The following TPR variants were observed in gnomAD, a reference collection of about 807,000 sequenced individuals.
TPR encodes the protein nucleoprotein TPR.
In TPR, 51 loss-of-function variants were observed where a neutral mutation model predicts 316.1. That is an observed-to-expected ratio of 0.16 (90% confidence interval 0.13 to 0.20). The LOEUF (loss-of-function observed/expected upper bound fraction) is 0.20, where lower values mean the gene tolerates loss of function less well. Among genes scored for constraint, TPR ranks in the 10% least tolerant of loss-of-function variants. TPR has a pLI of 1.00. For synonymous variants in TPR, 981 were observed against 914.7 expected (o/e 1.07, Z -1.31); for missense variants, 2,272 against 2,754.8 (o/e 0.82, Z 3.92).
chr1:186,335,987 T>A (rs1225091748), intron 33 of TPR, among the ~76,000 whole-genome samples: 3 of 152,030 alleles, frequency 2.0e-5, no homozygotes, highest in Non-Finnish European at 4.4e-5. Flanking sequence ...TCCAACTGAT[T>A]TGACATTTTA....
Position 186,337,123 on chromosome 1 carries a change from G to A in TPR, c.4396C>T (p.His1466Tyr), listed in dbSNP as rs1231495284. The part of the protein sequence containing the change: ...METSAQSSGD[H>Y]QEQHVSVQEM... ...TGGACTGAAACATGCTGCTCCTGATGGTCTCCAGAGGACTGAGCCGATGTC... is the reference window on the plus strand; with the variant it reads ...TGGACTGAAACATGCTGCTCCTGATAGTCTCCAGAGGACTGAGCCGATGTC... Residue 1466 changes from histidine to tyrosine, a missense_variant, in exon 32 of 51, where the codon CAT becomes TAT. Around this residue, in one of 10 missense-constraint regions of TPR, gnomAD observed 101 missense variants for 113.0 expected, o/e 0.89. Transcript: ENST00000367478. 1 of 1,613,642 alleles carries A rather than the reference G, an allele frequency of 6.2e-7. No individual in the cohort carries two copies. The highest frequency in any genetic ancestry group is 8.5e-7 in the Non-Finnish European group (1 of 1,179,772).
At position 186,345,607 on chromosome 1, in the gene TPR, C is replaced by T. The variant is rs765601784; in HGVS notation, c.3186G>A (p.Gln1062=). ...QRASTALSNE[Q]QARRDCQEQA... is the part of the protein sequence containing the mutation. ...GTTCCTGACAGTCACGTCTGGCTTG[C>T]TGCTCATTACTTAAAGCTGTGCTTG... The change falls in exon 24 of 51, where the codon CAG becomes CAA. Residue 1062 remains glutamine (Q), a synonymous_variant. Coordinates refer to ENST00000367478, the MANE Select transcript of TPR (RefSeq NM_003292.3). 8 of 1,613,484 alleles carry T rather than the reference C, an allele frequency of 5.0e-6. No homozygotes were observed. The Admixed American group carries it at 1.3e-4, about 27-fold the overall frequency.
intron 12 of TPR, 67 bp from the exon 13 acceptor site, chr1:186,358,717 A>G: frequency 7.8e-7 from 1 of 1,287,608 alleles, no homozygotes; most frequent in Admixed American, 2.0e-5. Context: ...TAATAAAGAC[A>G]TACAATACTC....
chr1:186,320,565 G>T, intron 45 of TPR, 147 bp from the exon 46 acceptor site: 1 of 687,742 alleles, frequency 1.5e-6, no homozygotes, highest in Non-Finnish European at 2.3e-6. Flanking sequence ...TATTTTAAAG[G>T]GTTTCTTACT....
chr1:186,315,229 CAAAA>C (rs76658724), intron 49 of TPR, among the ~76,000 whole-genome samples: 2 of 141,314 alleles, frequency 1.4e-5, no homozygotes, highest in Non-Finnish European at 3.1e-5. Context: ...AACAAACAAA[CAAAA>C]AAAAAACACC....
Position 186,333,244 on chromosome 1 carries a change from G to C in TPR, c.5333C>G (p.Pro1778Arg), listed in dbSNP as rs950127642. 5 of 1,613,676 alleles carry C rather than the reference G, an allele frequency of 3.1e-6. No homozygotes were observed. Among genetic ancestry groups the C allele is most frequent in the Non-Finnish European group, 4.2e-6 (5 of 1,179,700 alleles). Residue 1778 changes from proline (P) to arginine (R), a missense_variant, in exon 37 of 51, where the codon CCC becomes CGC. By Grantham distance (103) the Pro-to-Arg change is moderately radical. Transcript: ENST00000367478. Reference sequence around the variant, plus strand: ...AATCTGAGGATGACTCTGTTGAGTGGGTTGCACAAAAGCTGTAGCCTGTGT... The same window carrying C: ...AATCTGAGGATGACTCTGTTGAGTGCGTTGCACAAAAGCTGTAGCCTGTGT... Reference protein sequence around the residue: ...QQTQATAFVQPTQQSHPQIEP... With the variant: ...QQTQATAFVQRTQQSHPQIEP...
intron 32 of TPR, 88 bp from the exon 33 acceptor site, chr1:186,336,782 A>C (rs12085497): frequency 0.32 from 454,034 of 1,420,866 alleles, 76,184 homozygotes; most frequent in Admixed American, 0.41. Flanking sequence ...TAACTTATTA[A>C]TTTGCTTTTT....
chr1:186,312,466 C>T lies in TPR; in HGVS notation c.*1505G>A, dbSNP rs1482964410. 8.3e-7 allele frequency: 1 copy of T among 1,199,402 alleles called. No homozygotes were observed. Among genetic ancestry groups the T allele is most frequent in the East Asian group, 2.4e-5 (1 of 42,368 alleles). The allele number at this position is 1,199,402 out of a possible 1,614,324, so 74.3% of individuals were successfully genotyped here. ...AGGCTTATGAAATATGGATACTGAT[C>T]AAACAGCCCTAATAATTTAAGCTTA... On this transcript the variant is annotated 3_prime_UTR_variant, in exon 51 of 51. Coordinates refer to ENST00000367478, the MANE Select transcript of TPR (RefSeq NM_003292.3).
Position 186,361,627 on chromosome 1 carries a change from C to T in TPR, c.953G>A (p.Gly318Asp). 3 of 1,613,060 alleles carry T rather than the reference C, an allele frequency of 1.9e-6. No homozygotes were observed. The highest frequency in any genetic ancestry group is 2.5e-6 in the Non-Finnish European group (3 of 1,179,318). Reference protein sequence around the residue: ...EELHKLLKEAGEANKAIQDHL... With the variant: ...EELHKLLKEADEANKAIQDHL... ...CCATAACTGAAAACACTTACCTTCA[C>T]CAGCTTCTTTCAAAAGTTTGTGTAG... The change falls in exon 9 of 51, where the codon GGT becomes GAT. Residue 318 changes from glycine (G) to aspartate (D), a missense_variant. Coordinates refer to ENST00000367478, the MANE Select transcript of TPR (RefSeq NM_003292.3).
At position 186,341,047 on chromosome 1, in the gene TPR, C is replaced by T. The variant is rs758704152; in HGVS notation, c.4001G>A (p.Arg1334His). ...EKKLLEEDVK[R>H]WKARNQHLVS... ...ATTTACCTGGTTACGTGCTTTCCAA[C>T]GTTTGACATCCTCTTCTAAGAGCTT... The change falls in exon 29 of 51, where the codon CGT becomes CAT. Residue 1334 changes from arginine (R) to histidine (H), a missense_variant. Transcript: ENST00000367478. 5.0e-6 allele frequency: 8 copies of T among 1,613,768 alleles called. No homozygotes were observed. The highest frequency in any genetic ancestry group is 2.2e-5 in the South Asian group (2 of 90,996).
At chr1:186,355,952 G>T (rs1659015654) in intron 15 of TPR, among the ~76,000 whole-genome samples, 184 bp from the exon 16 acceptor site, 1 of 152,046 alleles carries the variant, frequency 6.6e-6, no homozygotes, top group African/African-American at 2.4e-5. Context: ...TTTTTTGATG[G>T]TTATTAGAGA....
At chr1:186,356,174 G>T (rs1659023240) in intron 15 of TPR, 112 bp downstream of exon 15, 1 of 885,166 alleles carries the variant, frequency 1.1e-6, no homozygotes, top group African/African-American at 1.7e-5. Context: ...ATTATATATG[G>T]TAGTCAAATT....
At chr1:186,373,257 A>G (rs778306601) in intron 2 of TPR, 102 bp downstream of exon 2, 2 of 696,048 alleles carry the variant, frequency 2.9e-6, no homozygotes, top group East Asian at 2.8e-5. Flanking sequence ...TGCTTAATCA[A>G]TATTTTCATG....
At chr1:186,323,580 G>A in intron 43 of TPR, 106 bp downstream of exon 43, 2 of 1,081,302 alleles carry the variant, frequency 1.8e-6, no homozygotes, top group Non-Finnish European at 2.5e-6. Flanking sequence ...TCATGGGATT[G>A]CTAATTTAAA....
intron 14 of TPR, among the ~76,000 whole-genome samples, chr1:186,357,053 T>A (rs1314556119): frequency 6.6e-6 from 1 of 152,078 alleles, no homozygotes; most frequent in Non-Finnish European, 1.5e-5. Flanking sequence ...ACACATAGAT[T>A]TTTTTTGCGG....
chr1:186,314,421 T>A (rs1162211991), intron 50 of TPR: 1 of 377,482 alleles, frequency 2.6e-6, no homozygotes, highest in African/African-American at 2.1e-5. Context: ...ATATAAAATA[T>A]AAGCACATAT....
chr1:186,317,171 T>TG (rs1256049724), intron 49 of TPR, among the ~76,000 whole-genome samples: 1 of 152,220 alleles, frequency 6.6e-6, no homozygotes, highest in Non-Finnish European at 1.5e-5. Flanking sequence ...ACAACCCCTG[T>TG]AGCACCTCTA....
chr1:186,343,920 A>C lies in TPR; in HGVS notation c.3588T>G (p.Ile1196Met). Residue 1196 changes from isoleucine (I) to methionine (M), a missense_variant, in exon 26 of 51, where the codon ATT becomes ATG. Physicochemically the swap from Ile to Met is conservative, Grantham distance 10. Transcript: ENST00000367478. ...ACATGATTTACCTGAGAATTTCCAAAATTTGTTCTTGAGATTTTCCTTCTT... is the reference window on the plus strand; with the variant it reads ...ACATGATTTACCTGAGAATTTCCAACATTTGTTCTTGAGATTTTCCTTCTT... ...LSEEGKSQEQ[I>M]LEILRFIRRE... is the part of the protein sequence containing the mutation. 2 of 1,612,920 alleles carry C rather than the reference A, an allele frequency of 1.2e-6. No individual in the cohort carries two copies. Among genetic ancestry groups the C allele is most frequent in the Non-Finnish European group, 8.5e-7 (1 of 1,179,468 alleles).
At chr1:186,347,169 A>G in intron 22 of TPR, 123 bp downstream of exon 22, 1 of 1,009,710 alleles carries the variant, frequency 9.9e-7, no homozygotes, top group South Asian at 1.8e-5. Flanking sequence ...TACTTTCACA[A>G]GGTTAAAGGC....
Sources: allele counts gnomAD v4.1 joint callset (sites outside exome capture counted in the v4.1 genomes callset), GRCh38; gene constraint gnomAD v4.1.1; regional missense constraint gnomAD v4.1.1; transcripts MANE v1.5; gene names NCBI Gene and HGNC (gene_info 2026-07-23, HGNC 2026-07-21).